Variants in PHF21A observed in about 807,000 individuals in gnomAD.
The protein encoded by PHF21A is PHD finger protein 21A.
PHF21A carries 11 observed loss-of-function variants against 82.5 expected under a neutral mutation model. The observed-to-expected ratio is 0.13, with a 90% CI of 0.08 to 0.22. PHF21A has a LOEUF of 0.22. PHF21A is among the 10% of genes least tolerant of loss of function. The probability of loss-of-function intolerance (pLI) is 1.00; values close to 1 mark genes in which losing one functional copy is unlikely to be tolerated. For synonymous variants in PHF21A, 297 were observed against 302.8 expected, an observed-to-expected ratio of 0.98 and a Z score of 0.20; for missense variants, 579 against 837.8, an observed-to-expected ratio of 0.69 and a Z score of 3.81.
At chr11:46,062,863 A>G (rs1244148271) in intron 6 of PHF21A, among the ~76,000 whole-genome samples, 3 of 152,230 alleles carry the variant, frequency 2.0e-5, no homozygotes, top group Non-Finnish European at 4.4e-5. Context: ...AGACTTGGAC[A>G]TGAATGTTCA....
chr11:45,990,415 C>T (rs2094652105), intron 6 of PHF21A, among the ~76,000 whole-genome samples: 2 of 151,822 alleles, frequency 1.3e-5, no homozygotes, highest in Non-Finnish European at 2.9e-5. Flanking sequence ...TGCACCACCA[C>T]GCCCGGCTAA....
chr11:46,022,867 C>T (rs2095658661), intron 6 of PHF21A, among the ~76,000 whole-genome samples: 3 of 152,280 alleles, frequency 2.0e-5, no homozygotes, highest in South Asian at 2.1e-4. Context: ...ACTGCAACCT[C>T]CACCTCCTGA....
At chr11:46,055,135 A>G (rs867269885) in intron 6 of PHF21A, among the ~76,000 whole-genome samples, 2 of 152,166 alleles carry the variant, frequency 1.3e-5, no homozygotes, top group African/African-American at 4.8e-5. Context: ...GCGAGAACTT[A>G]AGATACTTTG....
At chr11:46,003,327 G>C (rs1198641337) in intron 6 of PHF21A, among the ~76,000 whole-genome samples, 1 of 151,264 alleles carries the variant, frequency 6.6e-6, no homozygotes, top group Non-Finnish European at 1.5e-5. Context: ...CACCATCTAT[G>C]TGTCTAGTCA....
intron 3 of PHF21A, among the ~76,000 whole-genome samples, chr11:46,088,655 A>G (rs1476679025): frequency 6.6e-6 from 1 of 152,178 alleles, no homozygotes; most frequent in East Asian, 1.9e-4. Context: ...ACTTCATAAG[A>G]CTGTTGTGGT....
intron 7 of PHF21A, among the ~76,000 whole-genome samples, chr11:45,973,244 T>C (rs1484679020): frequency 2.0e-5 from 3 of 152,182 alleles, no homozygotes; most frequent in Non-Finnish European, 4.4e-5. Flanking sequence ...AGATAGACGG[T>C]ATTTCCAACA....
intron 6 of PHF21A, among the ~76,000 whole-genome samples, chr11:46,003,401 C>T (rs565004961): frequency 2.6e-5 from 4 of 152,060 alleles, no homozygotes; most frequent in South Asian, 2.1e-4. Context: ...TCCTCTCCCC[C>T]ACTGCTAAAA....
intron 1 of PHF21A, among the ~76,000 whole-genome samples, chr11:46,106,147 T>C (rs1240731715): frequency 2.0e-5 from 3 of 152,256 alleles, no homozygotes; most frequent in African/African-American, 7.2e-5. Flanking sequence ...TAATGTGGCA[T>C]CTGTTCCAAG....
intron 11 of PHF21A, among the ~76,000 whole-genome samples, chr11:45,951,388 T>C (rs533047646): frequency 2.5e-4 from 38 of 152,368 alleles, no homozygotes; most frequent in Admixed American, 8.5e-4. Flanking sequence ...CTTGAGAACA[T>C]AGAAATGTCA....
chr11:45,935,076 C>T (rs1019133095), intron 18 of PHF21A: 21 of 1,278,260 alleles, frequency 1.6e-5, no homozygotes, highest in Middle Eastern at 4.3e-4. Flanking sequence ...GCTGCAAATA[C>T]AACCCTCTTT....
At chr11:46,020,309 G>C (rs565176684) in intron 6 of PHF21A, among the ~76,000 whole-genome samples, 9 of 152,148 alleles carry the variant, frequency 5.9e-5, no homozygotes, top group Non-Finnish European at 1.2e-4. Flanking sequence ...GACAACACTA[G>C]AATTCCCTGA....
chr11:45,990,458 C>G (rs2094654820), intron 6 of PHF21A, among the ~76,000 whole-genome samples: 1 of 151,676 alleles, frequency 6.6e-6, no homozygotes, highest in Admixed American at 6.6e-5. Flanking sequence ...CATGGTTTCG[C>G]CATGTTGCCT....
chr11:46,011,443 G>C (rs1292203482), intron 6 of PHF21A, among the ~76,000 whole-genome samples: 2 of 152,028 alleles, frequency 1.3e-5, no homozygotes, highest in East Asian at 3.9e-4. Context: ...AGTGAGCGGA[G>C]ATGGTGCCAC....
At position 46,015,816 on chromosome 11, in the gene PHF21A, TGTCATCTTCTATG is replaced by T. The variant is rs1369225251; in HGVS notation, c.154-35863_154-35851del. 5.3e-5 allele frequency among the ~76,000 whole-genome samples: 8 copies of T among 152,288 alleles called. No homozygotes were observed. In the East Asian group the frequency reaches 1.5e-3, roughly 29 times the overall value. ...TCACAGACAACAACATCCATGGAGCTGTCATCTTCTATGGTAACAATGCCTTCGTCTGAAATAC... is the reference window on the plus strand; with the variant it reads ...TCACAGACAACAACATCCATGGAGCTGTAACAATGCCTTCGTCTGAAATAC... On this transcript the variant is annotated intron_variant, in intron 6 of 18. Transcript: ENST00000676320.
At chr11:46,119,068 T>G (rs1357924554) in intron 1 of PHF21A, among the ~76,000 whole-genome samples, 1 of 151,052 alleles carries the variant, frequency 6.6e-6, no homozygotes, top group Non-Finnish European at 1.5e-5. Flanking sequence ...CCCTATCAAG[T>G]GAACCTGTGA....
intron 17 of PHF21A, 32 bp from the exon 18 acceptor site, chr11:45,935,771 G>A: frequency 1.1e-6 from 1 of 942,032 alleles, no homozygotes; most frequent in Middle Eastern, 2.2e-4. Flanking sequence ...AAAAGGAACG[G>A]TTTTTGACAA....
intron 8 of PHF21A, 60 bp downstream of exon 8, chr11:45,971,056 T>C (rs1027256417): frequency 4.0e-5 from 63 of 1,580,114 alleles, no homozygotes; most frequent in Non-Finnish European, 5.2e-5. Context: ...GGATATACTA[T>C]ACAAATGCGT....
rs1445494576 is a variant in PHF21A, at chr11:45,945,973, C to T, written c.1319G>A (p.Gly440Glu). The change falls in exon 15 of 19, where the codon GGG becomes GAG. Residue 440 changes from glycine to glutamate, a missense_variant. Transcript: ENST00000676320. The part of the protein sequence containing the change: ...GRPPKYNAVL[G>E]FGALTPTSPQ... ...GGATGTTGGGGTAAGGGCTCCAAAC[C>T]CCAGCACTGCATTGTATTTTGGAGG... 3 of 1,613,598 alleles carry T rather than the reference C, an allele frequency of 1.9e-6. No homozygotes were observed. Among genetic ancestry groups the T allele is most frequent in the African/African-American group, 1.3e-5 (1 of 74,784 alleles).
intron 6 of PHF21A, among the ~76,000 whole-genome samples, chr11:46,023,461 A>T (rs1264687818): frequency 1.3e-5 from 2 of 152,238 alleles, no homozygotes; most frequent in Non-Finnish European, 2.9e-5. Flanking sequence ...GGAAATTAAG[A>T]AAGAAGACTG....
Sources: allele counts gnomAD v4.1 joint callset (sites outside exome capture counted in the v4.1 genomes callset), GRCh38; gene constraint gnomAD v4.1.1; transcripts MANE v1.5; gene names NCBI Gene and HGNC (gene_info 2026-07-23, HGNC 2026-07-21).